The following NFIB variants were observed in gnomAD, a reference collection of about 807,000 sequenced individuals.
NFIB encodes nuclear factor 1 B-type.
In NFIB, 11 loss-of-function variants were observed where a neutral mutation model predicts 61.5. The observed-to-expected ratio is 0.18, with a 90% CI of 0.11 to 0.30. NFIB has a LOEUF of 0.30. Ranked by LOEUF, NFIB falls within the 10% of genes least tolerant of loss-of-function variation. The probability of loss-of-function intolerance (pLI) is 1.00; values close to 1 mark genes in which losing one functional copy is unlikely to be tolerated. For synonymous variants in NFIB, 260 were observed against 216.5 expected, an observed-to-expected ratio of 1.20 and a Z score of -1.76; for missense variants, 471 against 608.9, an observed-to-expected ratio of 0.77 and a Z score of 2.38.
chr9:14,083,472 T>C lies in NFIB; in HGVS notation c.*4837A>G, dbSNP rs1005677275. The C allele has an allele frequency of 2.3e-5, 4 of 175,990 alleles. No homozygotes were observed. The highest frequency in any genetic ancestry group is 3.3e-5 in the Non-Finnish European group (3 of 91,860). 10.9% of individuals were successfully genotyped at this position (175,990 alleles called of 1,614,324 possible). On this transcript the variant is annotated 3_prime_UTR_variant, in exon 11 of 11. Transcript: ENST00000380953. ...CTTTTACTATTGAACTTGAATAGCCTGCACATTAAAAAAAAAAAAAAAAAA... is the reference window on the plus strand; with the variant it reads ...CTTTTACTATTGAACTTGAATAGCCCGCACATTAAAAAAAAAAAAAAAAAA...
At chr9:14,353,298 T>A (rs2061136165) in intron 1 of NFIB, among the ~76,000 whole-genome samples, 1 of 152,128 alleles carries the variant, frequency 6.6e-6, no homozygotes, top group African/African-American at 2.4e-5. Context: ...AGGATAGATG[T>A]GACAGTTCTT....
At chr9:14,210,831 A>C (rs999916762) in intron 2 of NFIB, among the ~76,000 whole-genome samples, 26 of 152,214 alleles carry the variant, frequency 1.7e-4, no homozygotes, top group Non-Finnish European at 7.3e-5. Flanking sequence ...TCCTAAAAAA[A>C]CTTCCCATTT....
the NFIB span, among the ~76,000 whole-genome samples, chr9:14,486,171 G>GC: frequency 6.6e-6 from 1 of 152,158 alleles, no homozygotes; most frequent in Admixed American, 6.5e-5. Context: ...TGGGGAATGT[G>GC]ACCTAGAAAT....
chr9:14,210,029 G>A (rs79480555), intron 2 of NFIB, among the ~76,000 whole-genome samples: 2 of 152,046 alleles, frequency 1.3e-5, no homozygotes, highest in East Asian at 3.9e-4. Context: ...CTTGAATTAA[G>A]TCATATAAAT....
At position 14,217,660 on chromosome 9, in the gene NFIB, C is replaced by CAAAAAAAAA. The variant is rs34055171; in HGVS notation, c.563-37889_563-37881dup. On this transcript the variant is annotated intron_variant, in intron 2 of 10. Transcript: ENST00000380953. ...GGGCAACAAGAGTGAAACTCCATCTCAAAAAAAAAAAAAAAAAAAAAGACA... is the reference window on the plus strand; with the variant it reads ...GGGCAACAAGAGTGAAACTCCATCTCAAAAAAAAAAAAAAAAAAAAAAAAAAAAAAGACA... Among the ~76,000 whole-genome samples, 283 of 81,464 alleles carry CAAAAAAAAA rather than the reference C, an allele frequency of 3.5e-3. 11 individuals are homozygous for CAAAAAAAAA. The highest frequency in any genetic ancestry group is 7.2e-3 in the Middle Eastern group (1 of 138). The allele number at this position is 81,464 out of a possible 152,430, so 53.4% of individuals were successfully genotyped here.
chr9:14,447,333 G>A, the NFIB span, among the ~76,000 whole-genome samples: 3 of 152,114 alleles, frequency 2.0e-5, no homozygotes, highest in Non-Finnish European at 4.4e-5. Context: ...TTTTATTGCA[G>A]TATGCTCCGT....
intron 1 of NFIB, among the ~76,000 whole-genome samples, chr9:14,340,575 T>C (rs987387628): frequency 1.3e-5 from 2 of 152,248 alleles, no homozygotes; most frequent in Admixed American, 1.3e-4. Flanking sequence ...CTGAGAAGTT[T>C]CTTGTTCTAT....
intron 2 of NFIB, among the ~76,000 whole-genome samples, chr9:14,251,299 A>C (rs2132133480): frequency 6.6e-6 from 1 of 152,330 alleles, no homozygotes; most frequent in Admixed American, 6.5e-5. Flanking sequence ...ATATATTTAC[A>C]GTAGCTAAAG....
chr9:14,231,045 T>C (rs1425964609), intron 2 of NFIB, among the ~76,000 whole-genome samples: 2 of 149,048 alleles, frequency 1.3e-5, no homozygotes, highest in East Asian at 4.0e-4. Context: ...GCTGCCACTC[T>C]GTCACTAGAA....
At chr9:14,134,913 A>AAAAAAAAAAAAAAAAAAAAAAG (rs1011872669) in intron 6 of NFIB, among the ~76,000 whole-genome samples, 3 of 133,318 alleles carry the variant, frequency 2.3e-5, no homozygotes, top group Admixed American at 8.2e-5. Context: ...AAAAAAAAAA[A>AAAAAAAAAAAAAAAAAAAAAAG]AAAAAAAGGA....
At chr9:14,522,401 C>T in the NFIB span, among the ~76,000 whole-genome samples, 40 of 152,276 alleles carry the variant, frequency 2.6e-4, no homozygotes, top group African/African-American at 9.6e-4. Flanking sequence ...AATAGCCTCA[C>T]ATACGATAAT....
the NFIB span, among the ~76,000 whole-genome samples, chr9:14,426,464 C>A: frequency 6.6e-6 from 1 of 152,144 alleles, no homozygotes; most frequent in African/African-American, 2.4e-5. Flanking sequence ...CCTTCGCTTT[C>A]ATTGTTGTAT....
At chr9:14,191,764 G>C (rs1010776696) in intron 2 of NFIB, among the ~76,000 whole-genome samples, 2 of 152,074 alleles carry the variant, frequency 1.3e-5, no homozygotes, top group Admixed American at 1.3e-4. Context: ...CCAACTTCAA[G>C]CTTTTTACTG....
At chr9:14,502,871 C>T in the NFIB span, among the ~76,000 whole-genome samples, 5 of 152,100 alleles carry the variant, frequency 3.3e-5, no homozygotes, top group African/African-American at 7.2e-5. Flanking sequence ...GTAGTATTTT[C>T]GCCCTCACTC....
chr9:14,104,765 T>A (rs555854231), intron 10 of NFIB, among the ~76,000 whole-genome samples: 3 of 151,336 alleles, frequency 2.0e-5, no homozygotes, highest in Admixed American at 6.6e-5. Flanking sequence ...AAAAAAAAAA[T>A]TGTAGCGATA....
At chr9:14,155,940 AAAAT>A (rs1489537244) in intron 3 of NFIB, 47 bp from the exon 4 acceptor site, 1 of 1,180,984 alleles carries the variant, frequency 8.5e-7, no homozygotes, top group African/African-American at 1.6e-5. Flanking sequence ...AGCAGAAAGT[AAAAT>A]AAATGATTAT....
At chr9:14,090,827 G>C (rs137899800) in intron 10 of NFIB, among the ~76,000 whole-genome samples, 1 of 152,130 alleles carries the variant, frequency 6.6e-6, no homozygotes, top group African/African-American at 2.4e-5. Context: ...TTTAATGATT[G>C]AAAATAGATG....
chr9:14,148,523 T>C (rs1169175641), intron 5 of NFIB, among the ~76,000 whole-genome samples: 1 of 152,208 alleles, frequency 6.6e-6, no homozygotes, highest in African/African-American at 2.4e-5. Context: ...CATAATGTTA[T>C]AGGATTTCAG....
intron 1 of NFIB, among the ~76,000 whole-genome samples, chr9:14,321,048 G>T (rs1467495206): frequency 6.6e-6 from 1 of 152,032 alleles, no homozygotes; most frequent in African/African-American, 2.4e-5. Flanking sequence ...TAATAATTCT[G>T]ATCACGCCAC....
Sources: gnomAD v4.1 joint callset for allele counts (sites outside exome capture counted in the v4.1 genomes callset) on GRCh38, gnomAD v4.1.1 for gene constraint, MANE v1.5 for transcripts, NCBI Gene and HGNC (gene_info 2026-07-23, HGNC 2026-07-21) for gene names.